ZNF609: variants seen among roughly 807,000 people sequenced by gnomAD.
ZNF609 encodes zinc finger protein 609.
ZNF609 carries 11 observed loss-of-function variants against 109.5 expected under a neutral mutation model. The observed-to-expected ratio is 0.10, with a 90% CI of 0.06 to 0.17. The LOEUF (loss-of-function observed/expected upper bound fraction) is 0.17, where lower values mean the gene tolerates loss of function less well. Among genes scored for constraint, ZNF609 ranks in the 10% least tolerant of loss-of-function variants. The pLI, the probability that ZNF609 is intolerant of heterozygous loss-of-function variation, is 1.00. For missense variants in ZNF609, 1,559 were observed against 1,772.4 expected (o/e 0.88, Z 2.16); for synonymous variants, 646 against 662.0 (o/e 0.98, Z 0.37).
chr15:64,619,035 C>T (rs72742963), intron 2 of ZNF609, among the ~76,000 whole-genome samples: 28 of 152,292 alleles, frequency 1.8e-4, no homozygotes, highest in South Asian at 4.1e-4. Flanking sequence ...TCCCTTACCC[C>T]CTTCTGTATC....
chr15:64,554,196 C>T (rs1049147825), intron 2 of ZNF609, among the ~76,000 whole-genome samples: 3 of 152,084 alleles, frequency 2.0e-5, no homozygotes, highest in Non-Finnish European at 4.4e-5. Context: ...TTAAATATGA[C>T]GTTAGCTGTA....
At chr15:64,539,649 G>A (rs765727618) in intron 2 of ZNF609, among the ~76,000 whole-genome samples, 1 of 152,040 alleles carries the variant, frequency 6.6e-6, no homozygotes, top group African/African-American at 2.4e-5. Flanking sequence ...GATTACAGGC[G>A]CCTGCCACCA....
At chr15:64,467,621 C>A (rs528610026) in intron 1 of ZNF609, among the ~76,000 whole-genome samples, 1 of 152,296 alleles carries the variant, frequency 6.6e-6, no homozygotes, top group Admixed American at 6.5e-5. Context: ...CCGAGACGGG[C>A]GGATCATGAG....
At chr15:64,655,895 G>C (rs1225335314) in intron 3 of ZNF609, among the ~76,000 whole-genome samples, 1 of 152,090 alleles carries the variant, frequency 6.6e-6, no homozygotes, top group Non-Finnish European at 1.5e-5. Flanking sequence ...AATGTCTGTA[G>C]GGGGCAGGGG....
At chr15:64,517,494 A>G (rs767047955) in intron 2 of ZNF609, among the ~76,000 whole-genome samples, 2 of 152,208 alleles carry the variant, frequency 1.3e-5, no homozygotes, top group Non-Finnish European at 1.5e-5. Flanking sequence ...AAGCAGTTCA[A>G]ATTTATGGAT....
chr15:64,533,238 A>G (rs962373257), intron 2 of ZNF609, among the ~76,000 whole-genome samples: 2 of 151,974 alleles, frequency 1.3e-5, no homozygotes, highest in Non-Finnish European at 2.9e-5. Context: ...TTTAGTAGAG[A>G]TGGGGTTCCA....
At chr15:64,625,211 G>A (rs773371120) in intron 3 of ZNF609, among the ~76,000 whole-genome samples, 8 of 152,144 alleles carry the variant, frequency 5.3e-5, no homozygotes, top group Non-Finnish European at 1.2e-4. Flanking sequence ...GCTCATCATT[G>A]TATCCAAGGT....
chr15:64,612,357 G>C (rs1895731169), intron 2 of ZNF609, among the ~76,000 whole-genome samples: 1 of 151,228 alleles, frequency 6.6e-6, no homozygotes, highest in African/African-American at 2.4e-5. Context: ...CACTGAGTTA[G>C]CCAGGATGGT....
At chr15:64,666,087 A>AC (rs1567042702) in intron 3 of ZNF609, among the ~76,000 whole-genome samples, 24 of 147,666 alleles carry the variant, frequency 1.6e-4, no homozygotes, top group African/African-American at 5.6e-4. Flanking sequence ...AAAAAAAAAA[A>AC]AACACACACA....
chr15:64,478,052 T>A (rs185654558), intron 1 of ZNF609, among the ~76,000 whole-genome samples: 111 of 152,310 alleles, frequency 7.3e-4, no homozygotes, highest in African/African-American at 2.5e-3. Context: ...TTACTCTGTT[T>A]TTGGTTATTT....
chr15:64,504,467 A>G (rs1893602763), intron 2 of ZNF609, among the ~76,000 whole-genome samples: 1 of 151,810 alleles, frequency 6.6e-6, no homozygotes, highest in Non-Finnish European at 1.5e-5. Flanking sequence ...TTTATTTGTT[A>G]TTTTCTTAGT....
intron 2 of ZNF609, among the ~76,000 whole-genome samples, chr15:64,530,949 GAA>G (rs1041914911): frequency 1.3e-5 from 2 of 152,190 alleles, no homozygotes; most frequent in African/African-American, 4.8e-5. Context: ...AAGAAGATGG[GAA>G]AGAGACCTGA....
At chr15:64,627,192 AAAAAAAAAAC>A (rs914333222) in intron 3 of ZNF609, among the ~76,000 whole-genome samples, 16 of 145,206 alleles carry the variant, frequency 1.1e-4, no homozygotes, top group Non-Finnish European at 1.3e-4. Context: ...ACTCCGTCTC[AAAAAAAAAAC>A]AAAAAAAAAC....
At chr15:64,677,464 A>G (rs967107536) in intron 5 of ZNF609, among the ~76,000 whole-genome samples, 3 of 152,208 alleles carry the variant, frequency 2.0e-5, no homozygotes, top group African/African-American at 7.2e-5. Flanking sequence ...CAGAGCCAGG[A>G]TTAGAACCCA....
chr15:64,628,724 C>CA (rs1357203488), intron 3 of ZNF609, among the ~76,000 whole-genome samples: 1 of 152,122 alleles, frequency 6.6e-6, no homozygotes, highest in Non-Finnish European at 1.5e-5. Context: ...CTCCCGGGTT[C>CA]AAGCGATTCT....
At chr15:64,645,791 C>A (rs911438837) in intron 3 of ZNF609, among the ~76,000 whole-genome samples, 1 of 152,076 alleles carries the variant, frequency 6.6e-6, no homozygotes, top group Non-Finnish European at 1.5e-5. Context: ...TGCTCAGAAT[C>A]ATTAATTATA....
chr15:64,518,973 G>A (rs1282963473), intron 2 of ZNF609, among the ~76,000 whole-genome samples: 3 of 152,084 alleles, frequency 2.0e-5, no homozygotes, highest in Middle Eastern at 3.4e-3. Context: ...TCTTTCTAGG[G>A]CATACGGTTT....
Position 64,674,818 on chromosome 15 carries a change from C to T in ZNF609, c.1964C>T (p.Ser655Leu). 2 of 1,614,120 alleles carry T rather than the reference C, an allele frequency of 1.2e-6. No individual in the cohort carries two copies. The highest frequency in any genetic ancestry group is 1.6e-4 in the Middle Eastern group (1 of 6,062). Reference sequence around the variant, plus strand: ...AAGATTCCTTCCAAGAGCCTAAAGTCAGCCCGTCCCATTGCCCCTGCCATC... The same window carrying T: ...AAGATTCCTTCCAAGAGCCTAAAGTTAGCCCGTCCCATTGCCCCTGCCATC... ...PEKIPSKSLK[S>L]ARPIAPAIPP... Residue 655 changes from serine (S) to leucine (L), a missense_variant, in exon 5 of 10, where the codon TCA becomes TTA. Around this residue, in one of 4 missense-constraint regions of ZNF609, gnomAD observed 1,204 missense variants for 1,314.1 expected, o/e 0.92. Transcript: ENST00000326648.
In ZNF609 at chr15:64,469,987, A is replaced by T. The variant is rs1893071922; in HGVS notation, c.-128+9149A>T. ...CTAAATTGGACTGATTATGGAGGTT[A>T]GTTGGATATTTTTCCACTTTTGACT... On this transcript the variant is annotated intron_variant, in intron 1 of 9. Transcript: ENST00000326648. Among the ~76,000 whole-genome samples, 4 of 152,324 alleles carry T rather than the reference A, an allele frequency of 2.6e-5. No homozygotes were observed. The South Asian group carries it at 8.3e-4, about 32-fold the overall frequency.
Sources: allele counts gnomAD v4.1 joint callset (sites outside exome capture counted in the v4.1 genomes callset), GRCh38; gene constraint gnomAD v4.1.1; regional missense constraint gnomAD v4.1.1; transcripts MANE v1.5; gene names NCBI Gene and HGNC (gene_info 2026-07-23, HGNC 2026-07-21).